Variants in SLC12A3 observed in about 807,000 individuals in gnomAD.
SLC12A3 encodes Na-Cl cotransporter.
Under a neutral mutation model 121.0 loss-of-function variants are expected in SLC12A3, and 104 were observed. That is an observed-to-expected ratio of 0.86 (90% CI 0.73 to 1.01). The LOEUF (loss-of-function observed/expected upper bound fraction) is 1.01, where lower values mean the gene tolerates loss of function less well. Among genes scored for constraint, SLC12A3 ranks in the 50% least tolerant of loss-of-function variants. The probability of loss-of-function intolerance (pLI) is 0.00; values close to 1 mark genes in which losing one functional copy is unlikely to be tolerated. For synonymous variants in SLC12A3, 536 were observed against 533.4 expected (o/e 1.00, Z -0.07); for missense variants, 1,328 against 1,356.3 (o/e 0.98, Z 0.33).
intron 1 of SLC12A3, 48 bp downstream of exon 1, chr16:56,865,565 G>C (rs374757689): frequency 6.3e-7 from 1 of 1,586,876 alleles, no homozygotes; most frequent in Non-Finnish European, 8.6e-7. Context: ...GTGTGACCTC[G>C]ACCCAGCTAC....
intron 18 of SLC12A3, 77 bp downstream of exon 18, chr16:56,888,108 G>A (rs2055344024): frequency 9.2e-7 from 1 of 1,091,984 alleles, no homozygotes; most frequent in African/African-American, 1.6e-5. Flanking sequence ...AAAAGAAGTA[G>A]TGGGTGCTTA....
At chr16:56,884,280 G>C in intron 14 of SLC12A3, 76 bp downstream of exon 14, 32 of 1,492,136 alleles carry the variant, frequency 2.1e-5, no homozygotes, top group Non-Finnish European at 2.9e-5. Context: ...CTCCGCCCCA[G>C]TTGGAGGGCC....
At chr16:56,889,808 G>A (rs1282493672) in intron 18 of SLC12A3, among the ~76,000 whole-genome samples, 2 of 152,174 alleles carry the variant, frequency 1.3e-5, no homozygotes, top group African/African-American at 4.8e-5. Context: ...TATTGCAGGA[G>A]TAAAGCTCCT....
Position 56,879,183 on chromosome 16 carries a change from A to G in SLC12A3, c.1291A>G (p.Thr431Ala), listed in dbSNP as rs771822469. The G allele has an allele frequency of 2.0e-5, 33 of 1,612,826 alleles. No homozygotes were observed. The highest frequency in any genetic ancestry group is 2.6e-5 in the Non-Finnish European group (31 of 1,179,974). ...CTATGGCTGGAACTTCACCGAGTGC[A>G]CCCAGCAGCACAGCTGCCACTACGG... Reference protein sequence around the residue: ...CSYGWNFTECTQQHSCHYGLI... With the variant: ...CSYGWNFTECAQQHSCHYGLI... Residue 431 changes from threonine to alanine, a missense_variant, in exon 10 of 26, where the codon ACC (threonine) becomes GCC (alanine). Physicochemically the swap from Thr to Ala is moderately conservative, Grantham distance 58. Coordinates refer to ENST00000563236, the MANE Select transcript of SLC12A3 (RefSeq NM_001126108.2).
In SLC12A3 at chr16:56,865,990, TC is replaced by T. The variant is rs1292267775; in HGVS notation, c.282+474del. Among the ~76,000 whole-genome samples, 145 of 60,004 alleles carry T rather than the reference TC, an allele frequency of 2.4e-3. No individual in the cohort carries two copies. In the South Asian group the frequency reaches 0.081, roughly 33 times the overall value. 39.4% of individuals were successfully genotyped at this position (60,004 alleles called of 152,430 possible). A position where few individuals can be genotyped will look rare whatever the true frequency, so the allele number is the denominator to read the frequency against. On this transcript the variant is annotated intron_variant, in intron 1 of 25. Coordinates refer to ENST00000563236, the MANE Select transcript of SLC12A3 (RefSeq NM_001126108.2). The stretch of plus-strand genomic sequence containing the variant: ...TTTTTTCTTTTCTTTTCTTTTCTTT[TC>T]TTTTTTTTTTTTGAGACGGAGTCTG...
At chr16:56,887,800 T>A (rs4784736) in intron 17 of SLC12A3, 125 bp from the exon 18 acceptor site, 8,956 of 44,002 alleles carry the variant, frequency 0.2, 218 homozygotes, top group South Asian at 0.32. Context: ...ATATATATAT[T>A]TTTTTTTTTT....
chr16:56,892,629 G>C (rs1229980105), intron 20 of SLC12A3, among the ~76,000 whole-genome samples: 2 of 152,130 alleles, frequency 1.3e-5, no homozygotes, highest in Non-Finnish European at 2.9e-5. Flanking sequence ...GAGACAGGGG[G>C]CCTGAAGTGC....
chr16:56,888,019 T>G lies in SLC12A3; in HGVS notation c.2273T>G (p.Ile758Ser), dbSNP rs61730207. The change falls in exon 18 of 26, where the codon ATT (isoleucine) becomes AGT (serine). Residue 758 changes from isoleucine (I) to serine (S), a missense_variant. Physicochemically the swap from Ile to Ser is moderately radical, Grantham distance 142. Coordinates refer to ENST00000563236, the MANE Select transcript of SLC12A3 (RefSeq NM_001126108.2). ...SAHPATVEDY[I>S]GILHDAFDFN... The stretch of plus-strand genomic sequence containing the variant: ...CACCCGGCCACAGTGGAAGACTACA[T>G]TGGCATCCTCCAGTGAGTCGGGGGA... 3.1e-6 allele frequency: 5 copies of G among 1,609,400 alleles called. No individual in the cohort carries two copies. Among genetic ancestry groups the G allele is most frequent in the Non-Finnish European group, 4.2e-6 (5 of 1,176,798 alleles).
At chr16:56,879,704 G>T (rs1373091542) in intron 11 of SLC12A3, 55 bp downstream of exon 11, 11 of 1,307,720 alleles carry the variant, frequency 8.4e-6, no homozygotes, top group Non-Finnish European at 1.2e-5. Context: ...TGGGCTAGAG[G>T]CACAATAGGG....
Position 56,865,412 on chromosome 16 carries a change from C to G in SLC12A3, c.177C>G (p.Asn59Lys). Residue 59 changes from asparagine to lysine, a missense_variant, in exon 1 of 26, where the codon AAC becomes AAG. Physicochemically the swap from Asn to Lys is moderately conservative, Grantham distance 94 (BLOSUM62 0). Transcript: ENST00000563236. ...TCTGCATGCGCACCTTTGGCTACAA[C>G]ACGATCGATGTGGTGCCCACATATG... ...STFCMRTFGYNTIDVVPTYEH... is the reference protein window; with the variant it reads ...STFCMRTFGYKTIDVVPTYEH... 6.2e-7 allele frequency: 1 copy of G among 1,614,232 alleles called. No homozygotes were observed. Among genetic ancestry groups the G allele is most frequent in the Non-Finnish European group, 8.5e-7 (1 of 1,180,048 alleles).
intron 12 of SLC12A3, among the ~76,000 whole-genome samples, chr16:56,882,013 C>T (rs1223947421): frequency 6.6e-6 from 1 of 150,398 alleles, no homozygotes; most frequent in Non-Finnish European, 1.5e-5. Flanking sequence ...CACGCCACTG[C>T]ACTCCAGCCT....
At position 56,887,104 on chromosome 16, in the gene SLC12A3, C is replaced by G; in HGVS notation, c.2178+11C>G. The G allele has an allele frequency of 3.7e-6, 6 of 1,613,860 alleles. No homozygotes were observed. Among genetic ancestry groups the G allele is most frequent in the South Asian group, 1.1e-5 (1 of 91,088 alleles). ...CAGATCCTCATGCAGGTGCCATGGA[C>G]TGGGGGCTCCCCTACAGGACTTACG... On this transcript the variant is annotated intron_variant, in intron 17 of 25. Coordinates refer to ENST00000563236, the MANE Select transcript of SLC12A3 (RefSeq NM_001126108.2).
At chr16:56,886,341 GC>G in intron 15 of SLC12A3, 22 bp from the exon 16 acceptor site, 1 of 1,579,984 alleles carries the variant, frequency 6.3e-7, no homozygotes, top group Non-Finnish European at 8.7e-7. Flanking sequence ...GATGGCTCCT[GC>G]CCTTTTCCCT....
intron 12 of SLC12A3, 116 bp downstream of exon 12, chr16:56,880,369 T>G (rs2055224835): frequency 7.7e-7 from 1 of 1,290,658 alleles, no homozygotes; most frequent in Admixed American, 2.1e-5. Flanking sequence ...GCCTGACAGT[T>G]AGTGGGCACT....
intron 25 of SLC12A3, chr16:56,907,183 T>C (rs1163403809): frequency 6.2e-6 from 1 of 160,732 alleles, no homozygotes; most frequent in African/African-American, 2.4e-5. Context: ...GGGCTGGGCA[T>C]GGTGGCTCAC....
chr16:56,885,378 C>T lies in SLC12A3; in HGVS notation c.1925+14C>T, dbSNP rs1380389528. On this transcript the variant is annotated intron_variant, in intron 15 of 25. Coordinates refer to ENST00000563236, the MANE Select transcript of SLC12A3 (RefSeq NM_001126108.2). ...CAAGAACTACCGGTGAGCAGAGCTG[C>T]TGGGACCCACCTGGGACCCCAGGGC... 4.6e-6 allele frequency: 7 copies of T among 1,509,338 alleles called. No individual in the cohort carries two copies. In the South Asian group the frequency reaches 8.4e-5, roughly 18 times the overall value. The allele number at this position is 1,509,338 out of a possible 1,614,324, so 93.5% of individuals were successfully genotyped here.
At chr16:56,909,795 GAAA>G (rs55674033) in intron 25 of SLC12A3, among the ~76,000 whole-genome samples, 2 of 148,242 alleles carry the variant, frequency 1.3e-5, no homozygotes, top group East Asian at 2.0e-4. Context: ...CTGAGGAAGG[GAAA>G]AAAAAAAAAT....
rs1257717478 is a variant in SLC12A3, at chr16:56,902,446, G to A, written c.2794G>A (p.Glu932Lys). The A allele has an allele frequency of 5.0e-6, 8 of 1,607,124 alleles. No individual in the cohort carries two copies. The highest frequency in any genetic ancestry group is 1.3e-5 in the African/African-American group (1 of 74,742). ...CTTCAAGGATGAGGCCACTGTCAAC[G>A]AGATGCGGCGGGACTGCCCCTGGAA... ...DGFKDEATVN[E>K]MRRDCPWKIS... is the part of the protein sequence containing the mutation. The change falls in exon 24 of 26, where the codon GAG becomes AAG. Residue 932 changes from glutamate to lysine, a missense_variant. Physicochemically the swap from Glu to Lys is moderately conservative, Grantham distance 56. Coordinates refer to ENST00000563236, the MANE Select transcript of SLC12A3 (RefSeq NM_001126108.2).
chr16:56,868,621 C>T (rs1388139147), intron 3 of SLC12A3, among the ~76,000 whole-genome samples: 2 of 152,210 alleles, frequency 1.3e-5, no homozygotes, highest in Non-Finnish European at 2.9e-5. Flanking sequence ...CTCAGTAAGC[C>T]ACTTAACCTC....
Sources: gnomAD v4.1 joint callset for allele counts (sites outside exome capture counted in the v4.1 genomes callset) on GRCh38, gnomAD v4.1.1 for gene constraint, MANE v1.5 for transcripts, NCBI Gene and HGNC (gene_info 2026-07-23, HGNC 2026-07-21) for gene names.